The following OTOG variants were observed in gnomAD, a reference collection of about 807,000 sequenced individuals.
OTOG encodes the protein otogelin.
OTOG carries 296 observed loss-of-function variants against 313.8 expected under a neutral mutation model. That is an observed-to-expected ratio of 0.94 (90% CI 0.86 to 1.04). The LOEUF (loss-of-function observed/expected upper bound fraction) is 1.04. Ranked by LOEUF, OTOG falls within the 50% of genes least tolerant of loss-of-function variation. OTOG has a pLI of 0.00. For missense variants in OTOG, 3,948 were observed against 3,840.1 expected (o/e 1.03, Z -0.74); for synonymous variants, 1,533 against 1,554.9 (o/e 0.99, Z 0.33).
intron 40 of OTOG, among the ~76,000 whole-genome samples, chr11:17,631,378 C>CTCTCTCTGTG (rs375572156): frequency 7.8e-6 from 1 of 128,812 alleles, no homozygotes; most frequent in African/African-American, 3.7e-5. Flanking sequence ...CTCTCTCTCT[C>CTCTCTCTGTG]TGTGTGTGTG....
At chr11:17,554,343 GTCTC>G (rs771312508) in intron 6 of OTOG, among the ~76,000 whole-genome samples, 2 of 152,212 alleles carry the variant, frequency 1.3e-5, no homozygotes, top group Non-Finnish European at 2.9e-5. Flanking sequence ...CAGGGGTCAT[GTCTC>G]TCTCTTTGAC....
chr11:17,633,898 G>A (rs928534897), intron 43 of OTOG, 24 bp downstream of exon 43: 1 of 1,507,966 alleles, frequency 6.6e-7, no homozygotes, highest in African/African-American at 1.4e-5. Flanking sequence ...CTCCCTGAGT[G>A]GGGGGCCTCC....
Position 17,629,144 on chromosome 11 carries a change from C to G in OTOG, c.6540C>G (p.Asp2180Glu). The change falls in exon 40 of 56, where the codon GAC becomes GAG. Residue 2180 changes from aspartate (D) to glutamate (E), a missense_variant. Physicochemically the swap from Asp to Glu is conservative, Grantham distance 45. Transcript: ENST00000399397. ...IDRFNRKVTVDLQPVWPPVSR... is the reference protein window; with the variant it reads ...IDRFNRKVTVELQPVWPPVSR... ...AATTCCCTCCCAAGGTGACTGTGGA[C>G]TTGCAGCCTGTGTGGCCACCGGTGA... 1 of 1,549,974 alleles carries G rather than the reference C, an allele frequency of 6.5e-7. No individual in the cohort carries two copies. The highest frequency in any genetic ancestry group is 8.7e-7 in the Non-Finnish European group (1 of 1,146,648).
chr11:17,560,617 T>TAA (rs1413103426), intron 12 of OTOG, 92 bp from the exon 13 acceptor site: 2 of 882,780 alleles, frequency 2.3e-6, no homozygotes, highest in Non-Finnish European at 3.6e-6. Context: ...AGAAGTTAGA[T>TAA]AAGGGGATCT....
chr11:17,614,629 C>T (rs1161138678), intron 39 of OTOG, among the ~76,000 whole-genome samples: 5 of 152,140 alleles, frequency 3.3e-5, no homozygotes, highest in African/African-American at 4.8e-5. Flanking sequence ...AACCATTGCC[C>T]GCTGCCCCTA....
intron 6 of OTOG, 136 bp downstream of exon 6, chr11:17,553,655 C>A: frequency 1.2e-6 from 1 of 804,906 alleles, no homozygotes; most frequent in Non-Finnish European, 1.7e-6. Context: ...CCCACCCAGG[C>A]AGTCTGCACC....
intron 39 of OTOG, among the ~76,000 whole-genome samples, chr11:17,623,088 T>C (rs974955663): frequency 2.6e-5 from 4 of 152,248 alleles, no homozygotes; most frequent in Non-Finnish European, 4.4e-5. Flanking sequence ...ATTTCTCTGA[T>C]GATCCATGTA....
In OTOG at chr11:17,576,880, T is replaced by TAA; in HGVS notation, c.2574_2575insAA (p.Gly859LysfsTer4). 1 of 1,550,394 alleles carries TAA rather than the reference T, an allele frequency of 6.4e-7. No homozygotes were observed. Among genetic ancestry groups the TAA allele is most frequent in the Non-Finnish European group, 8.7e-7 (1 of 1,146,936 alleles). ...TCTCTCTCTGCAGCCACTGCAAAGA[T>TAA]GGAGTCATGAGCTGTGATAGCAGAG... On this transcript the variant is annotated frameshift_variant, in exon 22 of 56. Coordinates refer to ENST00000399397, the MANE Select transcript of OTOG (RefSeq NM_001292063.2). LOFTEE classifies it high-confidence loss of function.
At chr11:17,586,939 G>A (rs963626732) in intron 24 of OTOG, among the ~76,000 whole-genome samples, 3 of 152,174 alleles carry the variant, frequency 2.0e-5, no homozygotes, top group Non-Finnish European at 2.9e-5. Flanking sequence ...ATATAAAAAG[G>A]CAGGCATTCA....
chr11:17,627,225 C>T (rs1854004941), intron 39 of OTOG, among the ~76,000 whole-genome samples: 1 of 152,098 alleles, frequency 6.6e-6, no homozygotes, highest in African/African-American at 2.4e-5. Context: ...TTTCATTTTC[C>T]CCCATTCAAT....
chr11:17,576,341 A>G (rs1340920951), intron 20 of OTOG, among the ~76,000 whole-genome samples: 1 of 152,194 alleles, frequency 6.6e-6, no homozygotes, highest in Non-Finnish European at 1.5e-5. Context: ...AGCTTGGTGC[A>G]TGGCCCTGAA....
chr11:17,590,331 A>G (rs1276429323), intron 24 of OTOG, among the ~76,000 whole-genome samples: 1 of 152,206 alleles, frequency 6.6e-6, no homozygotes, highest in Non-Finnish European at 1.5e-5. Flanking sequence ...TCATTCTCCC[A>G]GTTGCTCAGG....
chr11:17,594,088 C>G lies in OTOG; in HGVS notation c.3330C>G (p.Thr1110=), dbSNP rs1433197426. 3 of 1,550,436 alleles carry G rather than the reference C, an allele frequency of 1.9e-6. No individual in the cohort carries two copies. Among genetic ancestry groups the G allele is most frequent in the Non-Finnish European group, 2.6e-6 (3 of 1,147,000 alleles). Residue 1110 remains threonine (T), a synonymous_variant, in exon 28 of 56, where the codon ACC becomes ACG. Transcript: ENST00000399397. ...AGLCGNFDLK[T]INEMRTPENL... is the part of the protein sequence containing the mutation. ...TCTGTGGGAACTTTGACTTAAAAAC[C>G]ATCAATGAGATGAGGACCCCGGAGA... is the stretch of plus-strand genomic sequence containing the variant.
chr11:17,611,463 C>T, intron 36 of OTOG, 40 bp downstream of exon 36: 1 of 1,462,616 alleles, frequency 6.8e-7, no homozygotes. Context: ...CGTATGTGAC[C>T]CTTCCCTTCA....
intron 33 of OTOG, among the ~76,000 whole-genome samples, chr11:17,607,255 C>T (rs1337985888): frequency 6.6e-6 from 1 of 152,240 alleles, no homozygotes; most frequent in South Asian, 2.1e-4. Flanking sequence ...CAGGTTAGGG[C>T]GTCTGGAGGA....
In OTOG at chr11:17,574,898, C is replaced by A. The variant is rs1198667667; in HGVS notation, c.2472C>A (p.Asp824Glu). ...ACACCTATCTGGACACCCAGGCTGA[C>A]CTCTGTGTCCCCCGGTGAGTGGGTC... ...PPDTYLDTQADLCVPRNQCSC... is the reference protein window; with the variant it reads ...PPDTYLDTQAELCVPRNQCSC... Residue 824 changes from aspartate (D) to glutamate (E), a missense_variant, in exon 20 of 56, where the codon GAC becomes GAA. Coordinates refer to ENST00000399397, the MANE Select transcript of OTOG (RefSeq NM_001292063.2). 15 of 1,517,310 alleles carry A rather than the reference C, an allele frequency of 9.9e-6. No individual in the cohort carries two copies. In the South Asian group the frequency reaches 1.4e-4, roughly 14 times the overall value. The allele number at this position is 1,517,310 out of a possible 1,614,324, so 94.0% of individuals were successfully genotyped here.
In OTOG at chr11:17,596,912, G is replaced by A; in HGVS notation, c.3587G>A (p.Gly1196Asp). The A allele has an allele frequency of 6.4e-7, 1 of 1,550,898 alleles. No individual in the cohort carries two copies. The highest frequency in any genetic ancestry group is 8.7e-7 in the Non-Finnish European group (1 of 1,147,068). ...GACACATGTGGCTGCAGCCAGGGTG[G>A]TGACTGTGAGTGCTTCTGTGCCAGC... is the stretch of plus-strand genomic sequence containing the variant. The part of the protein sequence containing the change: ...LTDTCGCSQG[G>D]DCECFCASVS... The change falls in exon 30 of 56, where the codon GGT (glycine) becomes GAT (aspartate). Residue 1196 changes from glycine (G) to aspartate (D), a missense_variant. Coordinates refer to ENST00000399397, the MANE Select transcript of OTOG (RefSeq NM_001292063.2).
At chr11:17,641,516 G>T (rs1260900743) in intron 51 of OTOG, among the ~76,000 whole-genome samples, 4 of 152,116 alleles carry the variant, frequency 2.6e-5, no homozygotes, top group African/African-American at 9.7e-5. Flanking sequence ...TTTTTCAGAG[G>T]AGAAAACTGA....
chr11:17,556,273 T>A (rs1852056032), intron 7 of OTOG, among the ~76,000 whole-genome samples: 1 of 152,226 alleles, frequency 6.6e-6, no homozygotes, highest in South Asian at 2.1e-4. Flanking sequence ...CTTCCATTTC[T>A]GATGACACAG....
Sources: allele counts gnomAD v4.1 joint callset (sites outside exome capture counted in the v4.1 genomes callset), GRCh38; gene constraint gnomAD v4.1.1; transcripts MANE v1.5; gene names NCBI Gene and HGNC (gene_info 2026-07-23, HGNC 2026-07-21).